The following THBS2 variants were observed in gnomAD, a reference collection of about 807,000 sequenced individuals.
THBS2 encodes thrombospondin-2.
Under a neutral mutation model 135.2 loss-of-function variants are expected in THBS2, and 47 were observed. That is an observed-to-expected ratio of 0.35 (90% confidence interval 0.28 to 0.44). THBS2 has a LOEUF of 0.44. Ranked by LOEUF, THBS2 falls within the 20% of genes least tolerant of loss-of-function variation. The pLI, the probability that THBS2 is intolerant of heterozygous loss-of-function variation, is 1.00. For synonymous variants in THBS2, 639 were observed against 633.8 expected, an observed-to-expected ratio of 1.01 and a Z score of -0.12; for missense variants, 1,288 against 1,603.1, an observed-to-expected ratio of 0.80 and a Z score of 3.36.
intron 17 of THBS2, among the ~76,000 whole-genome samples, chr6:169,224,451 G>A (rs544538868): frequency 9.2e-5 from 14 of 152,270 alleles, no homozygotes; most frequent in Non-Finnish European, 1.8e-4. Context: ...CATCTCCCAC[G>A]TACTTCTGAG....
intron 12 of THBS2, 96 bp from the exon 13 acceptor site, chr6:169,232,294 C>CGCTTG: frequency 7.4e-7 from 1 of 1,351,616 alleles, no homozygotes; most frequent in Non-Finnish European, 1.0e-6. Context: ...CCAGCAGGTC[C>CGCTTG]GGTCCCAAGC....
intron 17 of THBS2, 78 bp from the exon 18 acceptor site, chr6:169,223,553 T>C (rs952886315): frequency 7.9e-6 from 10 of 1,260,974 alleles, no homozygotes; most frequent in Non-Finnish European, 1.1e-5. Context: ...CCATTTGCTT[T>C]TCCGTGTCTG....
Position 169,232,201 on chromosome 6 carries a change from A to G in THBS2, c.1933-3T>C. ...CATGGGTTTTCGGGCTCACACACCT[A>G]CGGGGAGAAGGGCTGCGGGGTTAGC... On this transcript the variant is annotated splice_polypyrimidine_tract_variant and splice_region_variant and intron_variant, in intron 12 of 21. Transcript: ENST00000617924. The G allele has an allele frequency of 6.2e-7, 1 of 1,610,876 alleles. No homozygotes were observed. Among genetic ancestry groups the G allele is most frequent in the South Asian group, 1.1e-5 (1 of 91,060 alleles).
At position 169,232,055 on chromosome 6, in the gene THBS2, C is replaced by G. The variant is rs1396738081; in HGVS notation, c.2076G>C (p.Gly692=). 6.2e-7 allele frequency: 1 copy of G among 1,613,958 alleles called. No individual in the cohort carries two copies. The highest frequency in any genetic ancestry group is 1.3e-5 in the African/African-American group (1 of 74,924). ...TGYAGDGLIC[G]EDSDLDGWPN... is the part of the protein sequence containing the mutation. ...GCCAGCCGTCCAGGTCCGAGTCCTCCCCGCAGATGAGCCCGTCGCCCGCGT... is the reference window on the plus strand; with the variant it reads ...GCCAGCCGTCCAGGTCCGAGTCCTCGCCGCAGATGAGCCCGTCGCCCGCGT... The change falls in exon 13 of 22, where the codon GGG becomes GGC. Residue 692 remains glycine, a synonymous_variant. Coordinates refer to ENST00000617924, the MANE Select transcript of THBS2 (RefSeq NM_003247.5).
rs930491015 is a variant in THBS2 at position 169,217,391 on chromosome 6, G to A, written c.*431C>T. ...AATTCAAGAATAGTGACAACTTTAA[G>A]CACCAAAAGTAGTTCAGCAATATTT... On this transcript the variant is annotated 3_prime_UTR_variant, in exon 22 of 22. Transcript: ENST00000617924. 1 of 164,850 alleles carries A rather than the reference G, an allele frequency of 6.1e-6. No homozygotes were observed. Among genetic ancestry groups the A allele is most frequent in the African/African-American group, 2.4e-5 (1 of 42,022 alleles). The allele number at this position is 164,850 out of a possible 1,614,324, so 10.2% of individuals were successfully genotyped here.
Position 169,245,075 on chromosome 6 carries a change from G to A in THBS2, c.694+1122C>T, listed in dbSNP as rs1273335209. 8.5e-5 allele frequency among the ~76,000 whole-genome samples: 13 copies of A among 152,292 alleles called. 1 individual carries two copies. The Middle Eastern group carries it at 0.014, about 159-fold the overall frequency. ...ATAGATTCATGACATAACAGTTTAC[G>A]CTTGTCATAATTTGGAATTGAAATG... On this transcript the variant is annotated intron_variant, in intron 4 of 21. Coordinates refer to ENST00000617924, the MANE Select transcript of THBS2 (RefSeq NM_003247.5).
At chr6:169,236,917 T>C (rs942857274) in intron 9 of THBS2, among the ~76,000 whole-genome samples, 2 of 152,240 alleles carry the variant, frequency 1.3e-5, no homozygotes, top group Non-Finnish European at 2.9e-5. Flanking sequence ...TTAATTACAG[T>C]CTGTCCTGAA....
chr6:169,231,975 C>G lies in THBS2; in HGVS notation c.2151+5G>C. On this transcript the variant is annotated splice_donor_5th_base_variant and intron_variant, in intron 13 of 21. Transcript: ENST00000617924. Reference sequence around the variant, plus strand: ...CCCGTGTGCCCTGCGAGCCCCGCGCCTCACCTTGATGCAGTGGTAGGTGGC... The same window carrying G: ...CCCGTGTGCCCTGCGAGCCCCGCGCGTCACCTTGATGCAGTGGTAGGTGGC... 6.2e-7 allele frequency: 1 copy of G among 1,613,502 alleles called. No individual in the cohort carries two copies. Among genetic ancestry groups the G allele is most frequent in the Non-Finnish European group, 8.5e-7 (1 of 1,179,822 alleles).
In THBS2 at chr6:169,216,347, A is replaced by C. The variant is rs1281747391; in HGVS notation, c.*1475T>G. 1 of 152,212 alleles carries C rather than the reference A, an allele frequency of 6.6e-6. No homozygotes were observed. The highest frequency in any genetic ancestry group is 2.4e-5 in the African/African-American group (1 of 41,438). 9.4% of individuals were successfully genotyped at this position (152,212 alleles called of 1,614,324 possible). ...ATCAGACAGACAGACTTCTCTTACT[A>C]AACCCCTTATGTGGAGTGGGATGAG... On this transcript the variant is annotated 3_prime_UTR_variant, in exon 22 of 22. Coordinates refer to ENST00000617924, the MANE Select transcript of THBS2 (RefSeq NM_003247.5).
chr6:169,216,841 T>TAAC lies in THBS2; in HGVS notation c.*978_*980dup, dbSNP rs1554243539. 2 of 152,248 alleles carry TAAC rather than the reference T, an allele frequency of 1.3e-5. No homozygotes were observed. The highest frequency in any genetic ancestry group is 4.8e-5 in the African/African-American group (2 of 41,474). The allele number at this position is 152,248 out of a possible 1,614,324, so 9.4% of individuals were successfully genotyped here. ...TTAATAAATATTAACAAAATATTTA[T>TAAC]AACTGGAACCTTAATGAAATGTATC... On this transcript the variant is annotated 3_prime_UTR_variant, in exon 22 of 22. Transcript: ENST00000617924.
In THBS2 at chr6:169,246,241, AC is replaced by A; in HGVS notation, c.649del (p.Val217TrpfsTer5). ...ACCCTTCTTGCTTAGAATATCTTCC[AC>A]AGAGTTTTCAAACACTAGGTGGACG... ...QNVHLVFENS[V>X]EDILSKKGCQ... On this transcript the variant is annotated frameshift_variant, in exon 4 of 22. Coordinates refer to ENST00000617924, the MANE Select transcript of THBS2 (RefSeq NM_003247.5). LOFTEE classifies it high-confidence loss of function. 2 of 1,613,934 alleles carry A rather than the reference AC, an allele frequency of 1.2e-6. No individual in the cohort carries two copies. Among genetic ancestry groups the A allele is most frequent in the Non-Finnish European group, 1.7e-6 (2 of 1,180,008 alleles).
chr6:169,232,124 G>T lies in THBS2; in HGVS notation c.2007C>A (p.Gly669=). The T allele has an allele frequency of 6.2e-7, 1 of 1,613,998 alleles. No individual in the cohort carries two copies. The highest frequency in any genetic ancestry group is 8.5e-7 in the Non-Finnish European group (1 of 1,179,964). The change falls in exon 13 of 22, where the codon GGC becomes GGA. Residue 669 remains glycine, a synonymous_variant. Transcript: ENST00000617924. ...CHKHAECIYL[G]HFSDPMYKCE... ...ACTTGTACATGGGGTCGCTGAAGTG[G>T]CCCAGGTAGATGCACTCCGCGTGCT...
rs1259907959 is a variant in THBS2, at chr6:169,223,385, C to T, written c.2864G>A (p.Ser955Asn). ...CTGGAAGTTCCTGAAGTCTGTCTCA[C>T]TGATGGCATTGTTTTCAGGACACAC... is the stretch of plus-strand genomic sequence containing the variant. Reference protein sequence around the residue: ...DDVCPENNAISETDFRNFQMV... With the variant: ...DDVCPENNAINETDFRNFQMV... Residue 955 changes from serine (S) to asparagine (N), a missense_variant, in exon 18 of 22, where the codon AGT (serine) becomes AAT (asparagine). Physicochemically the swap from Ser to Asn is conservative, Grantham distance 46 (BLOSUM62 1). Coordinates refer to ENST00000617924, the MANE Select transcript of THBS2 (RefSeq NM_003247.5). 6.2e-7 allele frequency: 1 copy of T among 1,614,180 alleles called. No homozygotes were observed. The highest frequency in any genetic ancestry group is 8.5e-7 in the Non-Finnish European group (1 of 1,180,040).
At chr6:169,233,052 C>A in intron 10 of THBS2, 35 bp from the exon 11 acceptor site, 1 of 1,496,550 alleles carries the variant, frequency 6.7e-7, no homozygotes, top group Non-Finnish European at 8.9e-7. Flanking sequence ...GTTCACCACG[C>A]GCCCTGCGCA....
intron 1 of THBS2, 36 bp from the exon 2 acceptor site, chr6:169,250,842 C>A: frequency 6.6e-7 from 1 of 1,504,362 alleles, no homozygotes; most frequent in South Asian, 1.2e-5. Context: ...GTGATGAGTC[C>A]ACAGCTGCAA....
intron 16 of THBS2, among the ~76,000 whole-genome samples, chr6:169,225,969 A>G (rs922197544): frequency 1.3e-5 from 2 of 152,232 alleles, no homozygotes; most frequent in Non-Finnish European, 2.9e-5. Flanking sequence ...TGAAAACTCC[A>G]TGTTATCCTG....
At chr6:169,236,969 G>C (rs1780117345) in intron 9 of THBS2, among the ~76,000 whole-genome samples, 2 of 152,384 alleles carry the variant, frequency 1.3e-5, no homozygotes, top group South Asian at 4.1e-4. Flanking sequence ...TTTGCGCTGA[G>C]CACAGGTGAG....
chr6:169,234,613 C>T (rs1034291046), intron 10 of THBS2, 121 bp downstream of exon 10: 9 of 1,008,422 alleles, frequency 8.9e-6, no homozygotes, highest in Admixed American at 3.5e-5. Flanking sequence ...GTTATCTTTG[C>T]GTGTGCAACT....
intron 4 of THBS2, among the ~76,000 whole-genome samples, chr6:169,243,560 A>G (rs1009431000): frequency 6.6e-6 from 1 of 152,238 alleles, no homozygotes; most frequent in African/African-American, 2.4e-5. Flanking sequence ...GCTGCAATTC[A>G]TACTAAGCTC....
Sources: allele counts gnomAD v4.1 joint callset (sites outside exome capture counted in the v4.1 genomes callset), GRCh38; gene constraint gnomAD v4.1.1; transcripts MANE v1.5; gene names NCBI Gene and HGNC (gene_info 2026-07-23, HGNC 2026-07-21).